RNF180: variants seen among roughly 807,000 people sequenced by gnomAD.
RNF180 encodes E3 ubiquitin-protein ligase RNF180.
In RNF180, 38 loss-of-function variants were observed where a neutral mutation model predicts 59.2. The observed-to-expected ratio is 0.64, with a 90% CI of 0.50 to 0.84. RNF180 has a LOEUF of 0.84. RNF180 is among the 40% of genes least tolerant of loss of function. The pLI, the probability that RNF180 is intolerant of heterozygous loss-of-function variation, is 0.00. For synonymous variants in RNF180, 262 were observed against 240.3 expected (o/e 1.09, Z -0.84); for missense variants, 705 against 700.9 (o/e 1.01, Z -0.07).
At chr5:64,281,442 A>G (rs1456365169) in intron 5 of RNF180, among the ~76,000 whole-genome samples, 1 of 152,068 alleles carries the variant, frequency 6.6e-6, no homozygotes, top group African/African-American at 2.4e-5. Flanking sequence ...TGGGTTTGTC[A>G]TAGATGACTC....
intron 5 of RNF180, among the ~76,000 whole-genome samples, chr5:64,295,853 C>G (rs1007919310): frequency 2.0e-5 from 3 of 152,134 alleles, no homozygotes; most frequent in African/African-American, 7.2e-5. Context: ...TTCTATGTGT[C>G]AGGCACTCTT....
rs1285440991 is a variant in RNF180, at chr5:64,261,262, A to G, written c.1227+43866A>G. ...TCAGATTAAGCCAACATTTTCATTC[A>G]GGAAAAAGAGATTATAAATGGTGGC... On this transcript the variant is annotated intron_variant, in intron 5 of 7. Transcript: ENST00000389100. Among the ~76,000 whole-genome samples, 11 of 152,258 alleles carry G rather than the reference A, an allele frequency of 7.2e-5. No homozygotes were observed. The East Asian group carries it at 1.9e-3, about 27-fold the overall frequency.
chr5:64,337,248 A>G (rs1037018310), intron 7 of RNF180, among the ~76,000 whole-genome samples: 3 of 152,056 alleles, frequency 2.0e-5, no homozygotes, highest in Non-Finnish European at 4.4e-5. Context: ...AGCTCAAGCA[A>G]TCCTCCTTCC....
chr5:64,305,118 A>G (rs1343179714), intron 5 of RNF180, among the ~76,000 whole-genome samples: 1 of 151,764 alleles, frequency 6.6e-6, no homozygotes, highest in Admixed American at 6.6e-5. Context: ...ATTATAGTGT[A>G]AACATAACTT....
chr5:64,203,467 C>A (rs1325390137), intron 2 of RNF180, among the ~76,000 whole-genome samples: 1 of 152,052 alleles, frequency 6.6e-6, no homozygotes, highest in African/African-American at 2.4e-5. Flanking sequence ...TTCCTCAGGC[C>A]TATTTGTCCT....
chr5:64,280,576 GT>G (rs147123750), intron 5 of RNF180, among the ~76,000 whole-genome samples: 4 of 147,034 alleles, frequency 2.7e-5, no homozygotes, highest in Admixed American at 6.8e-5. Flanking sequence ...TTTCCTCATT[GT>G]TTTTTTTTTG....
intron 1 of RNF180, among the ~76,000 whole-genome samples, chr5:64,196,656 T>C (rs1419730610): frequency 1.3e-5 from 2 of 152,272 alleles, no homozygotes; most frequent in African/African-American, 4.8e-5. Flanking sequence ...ATATTTTATT[T>C]AGAATTTTAG....
At chr5:64,235,974 T>A (rs1407420593) in intron 5 of RNF180, among the ~76,000 whole-genome samples, 1 of 152,200 alleles carries the variant, frequency 6.6e-6, no homozygotes, top group Non-Finnish European at 1.5e-5. Flanking sequence ...TATAGCAGTG[T>A]AAGAAAAGAC....
At chr5:64,205,868 G>A (rs1261110626) in intron 2 of RNF180, among the ~76,000 whole-genome samples, 1 of 151,864 alleles carries the variant, frequency 6.6e-6, no homozygotes, top group East Asian at 1.9e-4. Flanking sequence ...ACACTTACAG[G>A]ATAGACAGAA....
At position 64,266,242 on chromosome 5, in the gene RNF180, G is replaced by A. The variant is rs561422162; in HGVS notation, c.1227+48846G>A. ...TCTTTTGCCTGATTGCCCTAGGCAG[G>A]GCAATCTTAATATGTGTCAATGCCA... is the stretch of plus-strand genomic sequence containing the variant. On this transcript the variant is annotated intron_variant, in intron 5 of 7. Coordinates refer to ENST00000389100, the MANE Select transcript of RNF180 (RefSeq NM_001113561.2). Among the ~76,000 whole-genome samples, 7 of 151,962 alleles carry A rather than the reference G, an allele frequency of 4.6e-5. 1 individual carries two copies. The East Asian group carries it at 9.7e-4, about 21-fold the overall frequency.
intron 5 of RNF180, among the ~76,000 whole-genome samples, chr5:64,262,753 CTTAT>C (rs1237304550): frequency 2.0e-5 from 3 of 151,966 alleles, no homozygotes; most frequent in African/African-American, 7.2e-5. Context: ...TCATTTTGGC[CTTAT>C]TTATTTTGAG....
At chr5:64,349,585 G>T (rs547890324) in intron 7 of RNF180, among the ~76,000 whole-genome samples, 1 of 149,450 alleles carries the variant, frequency 6.7e-6, no homozygotes, top group South Asian at 2.1e-4. Flanking sequence ...CTCCCCCCTT[G>T]CCCCCCACCA....
chr5:64,242,782 T>C (rs1172588737), intron 5 of RNF180, among the ~76,000 whole-genome samples: 1 of 152,200 alleles, frequency 6.6e-6, no homozygotes, highest in African/African-American at 2.4e-5. Context: ...AATCACATTA[T>C]TGGGATCCCA....
chr5:64,271,228 A>G (rs1256256003), intron 5 of RNF180, among the ~76,000 whole-genome samples: 1 of 152,112 alleles, frequency 6.6e-6, no homozygotes, highest in Non-Finnish European at 1.5e-5. Context: ...TGTACATTGT[A>G]TGAATACCTA....
intron 5 of RNF180, among the ~76,000 whole-genome samples, chr5:64,289,215 C>T (rs1742447721): frequency 6.6e-6 from 1 of 152,134 alleles, no homozygotes; most frequent in Non-Finnish European, 1.5e-5. Flanking sequence ...ATACATTGAA[C>T]CACCCAAGAA....
intron 5 of RNF180, among the ~76,000 whole-genome samples, chr5:64,305,518 A>G (rs973464216): frequency 1.3e-5 from 2 of 151,508 alleles, no homozygotes; most frequent in Middle Eastern, 3.4e-3. Flanking sequence ...ATCGTCTGCC[A>G]GTTTACTACA....
intron 5 of RNF180, among the ~76,000 whole-genome samples, chr5:64,222,243 C>CT: frequency 6.6e-6 from 1 of 152,216 alleles, no homozygotes; most frequent in Admixed American, 6.5e-5. Context: ...TGATGATTCA[C>CT]TAAGAGGACT....
At chr5:64,369,587 G>A in intron 7 of RNF180, 28 bp from the exon 8 acceptor site, 1 of 1,375,370 alleles carries the variant, frequency 7.3e-7, no homozygotes, top group Non-Finnish European at 9.5e-7. Flanking sequence ...GAATTTAATG[G>A]GCTTTAATAT....
chr5:64,212,182 A>T (rs554170927), intron 3 of RNF180, 22 bp downstream of exon 3: 1 of 1,321,784 alleles, frequency 7.6e-7, no homozygotes, highest in African/African-American at 1.4e-5. Context: ...GTTTCTGAGT[A>T]AAATTAAGAA....
Sources: allele counts gnomAD v4.1 joint callset (sites outside exome capture counted in the v4.1 genomes callset), GRCh38; gene constraint gnomAD v4.1.1; transcripts MANE v1.5; gene names NCBI Gene and HGNC (gene_info 2026-07-23, HGNC 2026-07-21).